Variants in PCDH9 observed in about 807,000 individuals in gnomAD.
The protein encoded by PCDH9 is protocadherin-9.
A neutral mutation model predicts 70.6 loss-of-function variants in PCDH9; 24 were observed. The ratio of observed to expected loss-of-function variants is 0.34; its 90% CI spans 0.25 to 0.48. The LOEUF (loss-of-function observed/expected upper bound fraction) is 0.48. PCDH9 is among the 20% of genes least tolerant of loss of function. The probability of loss-of-function intolerance (pLI) is 0.99; values close to 1 mark genes in which losing one functional copy is unlikely to be tolerated. For synonymous variants in PCDH9, 562 were observed against 558.5 expected (o/e 1.01, Z -0.09); for missense variants, 1,281 against 1,503.6 (o/e 0.85, Z 2.45).
chr13:66,414,048 T>G (rs1414441792), intron 4 of PCDH9, among the ~76,000 whole-genome samples: 1 of 151,794 alleles, frequency 6.6e-6, no homozygotes, highest in Non-Finnish European at 1.5e-5. Context: ...ACCTGGAAAC[T>G]CAAAGAAAAA....
Position 66,583,765 on chromosome 13 carries a change from T to A in PCDH9, c.3340+47445A>T, listed in dbSNP as rs1318763332. Among the ~76,000 whole-genome samples, 3 of 152,270 alleles carry A rather than the reference T, an allele frequency of 2.0e-5. No individual in the cohort carries two copies. In the East Asian group the frequency reaches 5.8e-4, roughly 29 times the overall value. ...TGCTACTTCCACTGTGAAACAAACA[T>A]AATTTTTGTAAGAAGATTTTTTGTT... On this transcript the variant is annotated intron_variant, in intron 4 of 4. Coordinates refer to ENST00000377865, the MANE Select transcript of PCDH9 (RefSeq NM_203487.3).
chr13:66,681,107 CA>C (rs2078312665), intron 3 of PCDH9, among the ~76,000 whole-genome samples: 1 of 152,018 alleles, frequency 6.6e-6, no homozygotes, highest in Non-Finnish European at 1.5e-5. Context: ...AAGTTACAGA[CA>C]ACTTAACCCA....
intron 4 of PCDH9, among the ~76,000 whole-genome samples, chr13:66,441,563 A>T (rs900565277): frequency 6.6e-6 from 1 of 152,168 alleles, no homozygotes. Context: ...CAATATATGC[A>T]TAGAGTGTTT....
chr13:67,131,376 T>G (rs74667652), intron 2 of PCDH9, among the ~76,000 whole-genome samples: 1,904 of 152,236 alleles, frequency 0.013, 34 homozygotes, highest in African/African-American at 0.043. Flanking sequence ...ACTGGTTTCT[T>G]GCTCCAGAAA....
rs56199120 is a variant in PCDH9, at chr13:66,846,136, C to CAAA, written c.3138+57365_3138+57367dup. Among the ~76,000 whole-genome samples, 1,178 of 134,466 alleles carry CAAA rather than the reference C, an allele frequency of 8.8e-3. 30 individuals are homozygous for CAAA. The highest frequency in any genetic ancestry group is 0.02 in the African/African-American group (714 of 35,168). 88.2% of individuals were successfully genotyped at this position (134,466 alleles called of 152,430 possible). A position where few individuals can be genotyped will look rare whatever the true frequency, so the allele number is the denominator to read the frequency against. ...AGATAATGCAGGGGGAAAAAAAGAC[C>CAAA]AAAAAAAAAAAAAAAACAGCTTATA... On this transcript the variant is annotated intron_variant, in intron 3 of 4. Coordinates refer to ENST00000377865, the MANE Select transcript of PCDH9 (RefSeq NM_203487.3).
At chr13:66,830,590 A>G (rs1206964175) in intron 3 of PCDH9, among the ~76,000 whole-genome samples, 1 of 152,214 alleles carries the variant, frequency 6.6e-6, no homozygotes, top group Non-Finnish European at 1.5e-5. Flanking sequence ...ATTATGAGTC[A>G]GTGGGGATTT....
At chr13:66,922,760 C>T (rs1306375015) in intron 2 of PCDH9, among the ~76,000 whole-genome samples, 1 of 151,430 alleles carries the variant, frequency 6.6e-6, no homozygotes, top group Non-Finnish European at 1.5e-5. Context: ...GGAGCTTATT[C>T]TTTTTCAGTT....
At position 67,147,155 on chromosome 13, in the gene PCDH9, C is replaced by T. The variant is rs144552881; in HGVS notation, c.3036+78250G>A. On this transcript the variant is annotated intron_variant, in intron 2 of 4. Coordinates refer to ENST00000377865, the MANE Select transcript of PCDH9 (RefSeq NM_203487.3). ...ATTACAGTTCATCTGAAAAGACTTCCGAAATCATCATTTTCAGGCTTAACT... is the reference window on the plus strand; with the variant it reads ...ATTACAGTTCATCTGAAAAGACTTCTGAAATCATCATTTTCAGGCTTAACT... Among the ~76,000 whole-genome samples, 358 of 152,172 alleles carry T rather than the reference C, an allele frequency of 2.4e-3. 4 individuals carry two copies. Among genetic ancestry groups the T allele is most frequent in the Admixed American group, 2.1e-3 (32 of 15,278 alleles).
rs189519973 is a variant in PCDH9, at chr13:67,069,321, C to A, written c.3036+156084G>T. On this transcript the variant is annotated intron_variant, in intron 2 of 4. Transcript: ENST00000377865. The stretch of plus-strand genomic sequence containing the variant: ...GAATTCCTCTGAAACCCCAAATAAA[C>A]AGAGTTGAGTTGAATGTAGGGTCAG... 1.0e-3 allele frequency among the ~76,000 whole-genome samples: 159 copies of A among 152,200 alleles called. 1 individual carries two copies. Among genetic ancestry groups the A allele is most frequent in the African/African-American group, 3.7e-3 (153 of 41,538 alleles).
At chr13:66,648,924 A>C (rs946767627) in intron 3 of PCDH9, among the ~76,000 whole-genome samples, 1 of 152,104 alleles carries the variant, frequency 6.6e-6, no homozygotes, top group Non-Finnish European at 1.5e-5. Context: ...TGACATACTA[A>C]ACAATGTGTC....
At chr13:67,052,081 T>C (rs1336706176) in intron 2 of PCDH9, among the ~76,000 whole-genome samples, 1 of 152,116 alleles carries the variant, frequency 6.6e-6, no homozygotes. Context: ...CTATAAGTGA[T>C]ATAGTTGGAA....
intron 4 of PCDH9, among the ~76,000 whole-genome samples, chr13:66,384,607 C>T (rs561421411): frequency 1.3e-5 from 2 of 152,182 alleles, no homozygotes; most frequent in South Asian, 2.1e-4. Context: ...GTAGTCCTCA[C>T]GTTGTACCTT....
rs2089665069 is a variant in PCDH9, at chr13:67,218,874, C to G, written c.3036+6531G>C. The G allele has an allele frequency of 1.3e-5, 2 of 151,952 alleles. 1 individual carries two copies. The highest frequency in any genetic ancestry group is 4.1e-4 in the South Asian group (2 of 4,832). The allele number at this position is 151,952 out of a possible 1,614,324, so 9.4% of individuals were successfully genotyped here. On this transcript the variant is annotated intron_variant, in intron 2 of 4. Transcript: ENST00000377865. Reference sequence around the variant, plus strand: ...CCATTCTTAGCTGTACAGGTGGTCTCAAGCCCATCATTTAAAACGTGATAT... The same window carrying G: ...CCATTCTTAGCTGTACAGGTGGTCTGAAGCCCATCATTTAAAACGTGATAT...
intron 3 of PCDH9, among the ~76,000 whole-genome samples, chr13:66,779,873 A>ACATATGTGTGTG (rs1555268249): frequency 5.2e-5 from 6 of 115,844 alleles, no homozygotes; most frequent in Admixed American, 2.0e-4. Context: ...ATATACATAT[A>ACATATGTGTGTG]TGTGTGTGTG....
chr13:67,043,843 T>C (rs766627157), intron 2 of PCDH9, among the ~76,000 whole-genome samples: 1 of 152,208 alleles, frequency 6.6e-6, no homozygotes, highest in African/African-American at 2.4e-5. Flanking sequence ...GCCTTGTTTA[T>C]GCCCTGTAGG....
At chr13:66,718,027 T>C (rs1415456980) in intron 3 of PCDH9, among the ~76,000 whole-genome samples, 2 of 152,054 alleles carry the variant, frequency 1.3e-5, no homozygotes, top group Non-Finnish European at 2.9e-5. Context: ...TAAAAAACAG[T>C]TGAAAAAGGG....
At chr13:66,476,782 A>T (rs1263697057) in intron 4 of PCDH9, among the ~76,000 whole-genome samples, 1 of 151,958 alleles carries the variant, frequency 6.6e-6, no homozygotes, top group Non-Finnish European at 1.5e-5. Flanking sequence ...TTATCAGGAG[A>T]CTAATATCCA....
chr13:66,757,622 C>CAT (rs2079557054), intron 3 of PCDH9, among the ~76,000 whole-genome samples: 1 of 151,834 alleles, frequency 6.6e-6, no homozygotes, highest in Non-Finnish European at 1.5e-5. Flanking sequence ...ATGTCACATA[C>CAT]GATATAGAGC....
intron 2 of PCDH9, among the ~76,000 whole-genome samples, chr13:67,198,126 G>C (rs2089120507): frequency 1.3e-5 from 2 of 151,442 alleles, no homozygotes; most frequent in Admixed American, 6.6e-5. Flanking sequence ...ATCATGTACA[G>C]ATTTTTTTAA....
Sources: allele counts gnomAD v4.1 joint callset (sites outside exome capture counted in the v4.1 genomes callset), GRCh38; gene constraint gnomAD v4.1.1; transcripts MANE v1.5; gene names NCBI Gene and HGNC (gene_info 2026-07-23, HGNC 2026-07-21).